The following NPHP4 variants were observed in gnomAD, a reference collection of about 807,000 sequenced individuals.
NPHP4 encodes the protein nephrocystin-4.
In NPHP4, 151 loss-of-function variants were observed where a neutral mutation model predicts 155.8. The ratio of observed to expected loss-of-function variants is 0.97; its 90% confidence interval spans 0.85 to 1.11. The LOEUF is 1.11. Ranked by LOEUF, NPHP4 falls within the 50% of genes least tolerant of loss-of-function variation. The pLI is 0.00. For missense variants in NPHP4, 1,956 were observed against 1,925.7 expected, an observed-to-expected ratio of 1.02 and a Z score of -0.29; for synonymous variants, 845 against 816.8, an observed-to-expected ratio of 1.03 and a Z score of -0.59.
In NPHP4 at chr1:5,882,402, C is replaced by G. The variant is rs1285489737; in HGVS notation, c.2486-2163G>C. On this transcript the variant is annotated intron_variant, in intron 18 of 29. Coordinates refer to ENST00000378156, the MANE Select transcript of NPHP4 (RefSeq NM_015102.5). This position sits in a 1 kb window ranked among gnomAD's most constrained non-coding sequence, Gnocchi z 5.1. The stretch of plus-strand genomic sequence containing the variant: ...GGTGCGCTTACCCAGCCATCTCTTT[C>G]CAGGGGAATTAATTTCGTTCTTGCC... The G allele has an allele frequency of 6.5e-6, 1 of 152,998 alleles. No individual in the cohort carries two copies. Among genetic ancestry groups the G allele is most frequent in the Non-Finnish European group, 1.5e-5 (1 of 68,484 alleles). The allele number at this position is 152,998 out of a possible 1,614,324, so 9.5% of individuals were successfully genotyped here.
chr1:5,933,856 C>G (rs143510145), intron 9 of NPHP4, among the ~76,000 whole-genome samples: 3 of 152,176 alleles, frequency 2.0e-5, no homozygotes, highest in African/African-American at 4.8e-5. Context: ...TAGCACATTT[C>G]GTATCTGTAG....
intron 6 of NPHP4, among the ~76,000 whole-genome samples, chr1:5,953,377 T>A (rs1461541280): frequency 6.6e-6 from 1 of 152,188 alleles, no homozygotes; most frequent in Non-Finnish European, 1.5e-5. Context: ...GTGCTGAGAT[T>A]ACAGGCGTGA....
chr1:5,894,073 A>G (rs1182649656), intron 16 of NPHP4, among the ~76,000 whole-genome samples: 5 of 152,206 alleles, frequency 3.3e-5, no homozygotes, highest in Admixed American at 3.3e-4. Flanking sequence ...TCTAAGATCT[A>G]TATCTGGTAT....
At chr1:5,989,985 C>G (rs1426240972) in intron 1 of NPHP4, among the ~76,000 whole-genome samples, 1 of 152,340 alleles carries the variant, frequency 6.6e-6, no homozygotes, top group Admixed American at 6.5e-5. Flanking sequence ...GCAGGGCAGT[C>G]CTAGTCTGAG....
Position 5,964,941 on chromosome 1 carries a change from A to ATATTTTTTTTTT in NPHP4, c.517+2357_517+2358insAAAAAAAAAATA. Among the ~76,000 whole-genome samples the ATATTTTTTTTTT allele has an allele frequency of 7.9e-4, 47 of 59,410 alleles. 2 individuals carry two copies. The highest frequency in any genetic ancestry group is 1.3e-3 in the African/African-American group (15 of 11,792). The allele number at this position is 59,410 out of a possible 152,430, so 39.0% of individuals were successfully genotyped here. ...ATTATATATATATATATATATATAT[A>ATATTTTTTTTTT]TTTTTTTTTTTTGAGGCAGGGTCTC... On this transcript the variant is annotated intron_variant, in intron 5 of 29. Coordinates refer to ENST00000378156, the MANE Select transcript of NPHP4 (RefSeq NM_015102.5).
intron 11 of NPHP4, among the ~76,000 whole-genome samples, chr1:5,923,140 T>C (rs1439255879): frequency 6.6e-6 from 1 of 152,040 alleles, no homozygotes; most frequent in African/African-American, 2.4e-5. Context: ...GAATCACAAG[T>C]AGCACACACA....
At chr1:5,865,298 C>T in intron 26 of NPHP4, 25 bp from the exon 27 acceptor site, 1 of 1,511,210 alleles carries the variant, frequency 6.6e-7, no homozygotes, top group South Asian at 1.3e-5. Flanking sequence ...GAGCCATCTG[C>T]ACTTGTCCCG....
rs764122612 is a variant in NPHP4, at chr1:5,978,375, C to G, written c.174G>C (p.Leu58=). 8 of 1,607,616 alleles carry G rather than the reference C, an allele frequency of 5.0e-6. No homozygotes were observed. In the South Asian group the frequency reaches 8.9e-5, roughly 18 times the overall value. Residue 58 remains leucine (L), a synonymous_variant, in exon 3 of 30, where the codon CTG becomes CTC. Coordinates refer to ENST00000378156, the MANE Select transcript of NPHP4 (RefSeq NM_015102.5). The part of the protein sequence containing the change: ...LEVLSEVECH[L]RVSFFDVTYR... ...AGGTGACATCAAAGAAAGACACTCG[C>G]AGATGGCATTCAACCTCTGACAGTA...
chr1:5,963,221 C>A (rs1650693672), intron 5 of NPHP4, among the ~76,000 whole-genome samples: 1 of 152,046 alleles, frequency 6.6e-6, no homozygotes, highest in Non-Finnish European at 1.5e-5. Context: ...ATGGTGAGAC[C>A]CCATCTCTAC....
intron 5 of NPHP4, among the ~76,000 whole-genome samples, chr1:5,965,753 G>A (rs1651372236): frequency 6.6e-6 from 1 of 152,002 alleles, no homozygotes; most frequent in Non-Finnish European, 1.5e-5. Context: ...AGACTCCATC[G>A]CTGCTGCTGC....
chr1:5,989,916 G>A (rs1197256145), intron 1 of NPHP4, among the ~76,000 whole-genome samples: 1 of 152,208 alleles, frequency 6.6e-6, no homozygotes. Flanking sequence ...AGGCGGAAGG[G>A]CATCCATTCC....
chr1:5,924,494 A>T (rs1048765754), intron 11 of NPHP4, among the ~76,000 whole-genome samples: 4 of 152,128 alleles, frequency 2.6e-5, no homozygotes, highest in African/African-American at 9.7e-5. Flanking sequence ...AAAACAGGGC[A>T]GCCAGGGAAG....
At chr1:5,884,085 G>A (rs368848560) in intron 18 of NPHP4, among the ~76,000 whole-genome samples, 7 of 152,274 alleles carry the variant, frequency 4.6e-5, no homozygotes, top group East Asian at 1.9e-4. Flanking sequence ...GGGAACAAGC[G>A]GCAAAGGCAC....
At chr1:5,884,287 GCCATCTGTCAGAAC>G (rs1429648049) in intron 18 of NPHP4, among the ~76,000 whole-genome samples, 1 of 152,150 alleles carries the variant, frequency 6.6e-6, no homozygotes, top group African/African-American at 2.4e-5. Context: ...CCACAGCCTG[GCCATCTGTCAGAAC>G]CCATCACCAC....
chr1:5,992,026 G>C (rs1444672235), intron 1 of NPHP4, among the ~76,000 whole-genome samples: 2 of 151,844 alleles, frequency 1.3e-5, no homozygotes, highest in Admixed American at 6.5e-5. Context: ...CAAGTGTCCC[G>C]ACGAGGGGGG....
Position 5,969,214 on chromosome 1 carries a change from C to A in NPHP4, c.325G>T (p.Val109Leu). 2 of 1,584,604 alleles carry A rather than the reference C, an allele frequency of 1.3e-6. No homozygotes were observed. The highest frequency in any genetic ancestry group is 2.7e-5 in the African/African-American group (2 of 74,460). ...TTGCCCTCAGCGACCACTTCCACCA[C>A]AGCCACGATATGAGGGTGGTTTAGG... The part of the protein sequence containing the change: ...TSLNHPHIVA[V>L]VEVVAEGKKR... Residue 109 changes from valine (V) to leucine (L), a missense_variant, in exon 4 of 30, where the codon GTG (valine) becomes TTG (leucine). By Grantham distance (32) the Val-to-Leu change is conservative. Coordinates refer to ENST00000378156, the MANE Select transcript of NPHP4 (RefSeq NM_015102.5).
At chr1:5,927,550 TGTG>T in intron 11 of NPHP4, 96 bp downstream of exon 11, 3 of 1,261,132 alleles carry the variant, frequency 2.4e-6, no homozygotes, top group Admixed American at 2.3e-5. Flanking sequence ...ATCTTACAAA[TGTG>T]GTGATTACCG....
intron 10 of NPHP4, among the ~76,000 whole-genome samples, chr1:5,930,255 G>T (rs190019678): frequency 1.3e-5 from 2 of 151,980 alleles, no homozygotes; most frequent in Non-Finnish European, 2.9e-5. Flanking sequence ...GTTTCACTGG[G>T]TTTTTGCTAT....
intron 16 of NPHP4, among the ~76,000 whole-genome samples, chr1:5,901,043 C>A (rs1207459186): frequency 3.3e-5 from 5 of 151,162 alleles, no homozygotes; most frequent in Non-Finnish European, 4.4e-5. Flanking sequence ...TCAAATAAAA[C>A]CCAAAAAAAA....
Sources: allele counts gnomAD v4.1 joint callset (sites outside exome capture counted in the v4.1 genomes callset), GRCh38; gene constraint gnomAD v4.1.1; non-coding constraint Gnocchi (gnomAD v3.1); transcripts MANE v1.5; gene names NCBI Gene and HGNC (gene_info 2026-07-23, HGNC 2026-07-21).